TRIP4: variants seen among roughly 807,000 people sequenced by gnomAD.
The protein encoded by TRIP4 is thyroid hormone receptor interactor 4.
TRIP4 carries 54 observed loss-of-function variants against 81.8 expected under a neutral mutation model. That is an observed-to-expected ratio of 0.66 (90% CI 0.53 to 0.83). The LOEUF is 0.83. Ranked by LOEUF, TRIP4 falls within the 40% of genes least tolerant of loss-of-function variation. The pLI, the probability that TRIP4 is intolerant of heterozygous loss-of-function variation, is 0.00. For missense variants in TRIP4, 662 were observed against 683.6 expected, an observed-to-expected ratio of 0.97 and a Z score of 0.35; for synonymous variants, 270 against 242.8, an observed-to-expected ratio of 1.11 and a Z score of -1.04.
intron 11 of TRIP4, among the ~76,000 whole-genome samples, chr15:64,439,289 A>G (rs1267104788): frequency 1.3e-5 from 2 of 151,910 alleles, no homozygotes; most frequent in Non-Finnish European, 2.9e-5. Flanking sequence ...CTGTTCTTGC[A>G]CCTCTTTATC....
intron 4 of TRIP4, among the ~76,000 whole-genome samples, chr15:64,400,498 T>C (rs1199723079): frequency 6.7e-6 from 1 of 150,082 alleles, no homozygotes; most frequent in East Asian, 2.0e-4. Flanking sequence ...TTCTAAACCA[T>C]TAAGTCATTC....
At chr15:64,411,825 G>A (rs1292802303) in intron 7 of TRIP4, among the ~76,000 whole-genome samples, 3 of 151,856 alleles carry the variant, frequency 2.0e-5, no homozygotes, top group African/African-American at 2.4e-5. Flanking sequence ...GACTACCAAC[G>A]CCCGCCACCA....
chr15:64,430,996 A>T (rs951991729), intron 11 of TRIP4, among the ~76,000 whole-genome samples: 3 of 152,272 alleles, frequency 2.0e-5, no homozygotes, highest in Admixed American at 1.3e-4. Flanking sequence ...TAAAAAAAAA[A>T]GAGTATCCAA....
At chr15:64,407,102 A>G (rs951345813) in intron 6 of TRIP4, among the ~76,000 whole-genome samples, 2 of 152,058 alleles carry the variant, frequency 1.3e-5, no homozygotes, top group Non-Finnish European at 2.9e-5. Context: ...GTGGTAAAAA[A>G]TGTTTGGATA....
intron 12 of TRIP4, among the ~76,000 whole-genome samples, chr15:64,448,964 C>T (rs925373360): frequency 5.9e-5 from 9 of 152,078 alleles, no homozygotes; most frequent in African/African-American, 1.4e-4. Context: ...AATCCCAGCA[C>T]TTTAGGAATC....
intron 12 of TRIP4, among the ~76,000 whole-genome samples, chr15:64,453,690 G>A (rs1418774416): frequency 6.6e-6 from 1 of 152,144 alleles, no homozygotes; most frequent in African/African-American, 2.4e-5. Context: ...GCCCAGAAAA[G>A]GACATAATGT....
chr15:64,440,615 A>C (rs567171145), intron 11 of TRIP4, among the ~76,000 whole-genome samples: 1 of 152,280 alleles, frequency 6.6e-6, no homozygotes, highest in South Asian at 2.1e-4. Context: ...AGCCCCTTGA[A>C]GTTCAGTGCT....
intron 8 of TRIP4, among the ~76,000 whole-genome samples, chr15:64,414,699 A>G (rs1011416506): frequency 2.6e-5 from 4 of 151,186 alleles, no homozygotes; most frequent in Non-Finnish European, 5.9e-5. Flanking sequence ...TGTATTTTTT[A>G]ATAGAGACAG....
At chr15:64,452,812 G>T (rs1477783039) in intron 12 of TRIP4, among the ~76,000 whole-genome samples, 2 of 152,118 alleles carry the variant, frequency 1.3e-5, no homozygotes, top group African/African-American at 4.8e-5. Flanking sequence ...TCCTCTTAGA[G>T]TTGATAAAAA....
chr15:64,451,656 T>C (rs1349826505), intron 12 of TRIP4, among the ~76,000 whole-genome samples: 2 of 150,388 alleles, frequency 1.3e-5, no homozygotes, highest in African/African-American at 4.9e-5. Flanking sequence ...TTGCTTTTAT[T>C]TTTATTAATT....
At chr15:64,429,356 G>C (rs1892220279) in intron 11 of TRIP4, among the ~76,000 whole-genome samples, 1 of 152,118 alleles carries the variant, frequency 6.6e-6, no homozygotes, top group Non-Finnish European at 1.5e-5. Flanking sequence ...AAATGTAGTT[G>C]TCTAATCTAT....
At position 64,444,909 on chromosome 15, in the gene TRIP4, A is replaced by C. The variant is rs958929192; in HGVS notation, c.1576-97A>C. 6.0e-6 allele frequency: 4 copies of C among 669,588 alleles called. No individual in the cohort carries two copies. In the African/African-American group the frequency reaches 7.2e-5, roughly 12 times the overall value. 41.5% of individuals were successfully genotyped at this position (669,588 alleles called of 1,614,324 possible). A position where few individuals can be genotyped will look rare whatever the true frequency, so the allele number is the denominator to read the frequency against. On this transcript the variant is annotated intron_variant, in intron 11 of 12. Transcript: ENST00000261884. The stretch of plus-strand genomic sequence containing the variant: ...TACCTGTGAAATGGAAAGTAGTATC[A>C]TCAGAATGTTGAGGTGAAATCTGGG...
intron 12 of TRIP4, among the ~76,000 whole-genome samples, chr15:64,447,362 C>T (rs187648646): frequency 6.6e-6 from 1 of 152,230 alleles, no homozygotes; most frequent in Admixed American, 6.5e-5. Context: ...TAAATCTATG[C>T]CCTAGAGAAG....
At chr15:64,436,250 G>A (rs1212590295) in intron 11 of TRIP4, among the ~76,000 whole-genome samples, 5 of 151,240 alleles carry the variant, frequency 3.3e-5, no homozygotes, top group Admixed American at 6.6e-5. Context: ...AGCTGAGATC[G>A]TACTATTGCA....
At chr15:64,450,320 C>T (rs1230851765) in intron 12 of TRIP4, among the ~76,000 whole-genome samples, 1 of 137,196 alleles carries the variant, frequency 7.3e-6, no homozygotes, top group East Asian at 2.4e-4. Context: ...ACCCGGGAGG[C>T]GGAGCTTGCA....
chr15:64,394,366 G>C (rs1276432390), intron 2 of TRIP4, among the ~76,000 whole-genome samples: 5 of 152,120 alleles, frequency 3.3e-5, no homozygotes, highest in Non-Finnish European at 7.4e-5. Context: ...AGCACTTTGG[G>C]AGGCTGAGGT....
At chr15:64,435,098 C>T (rs1892360408) in intron 11 of TRIP4, among the ~76,000 whole-genome samples, 1 of 151,228 alleles carries the variant, frequency 6.6e-6, no homozygotes, top group South Asian at 2.1e-4. Context: ...CACCTGTAAA[C>T]CCAACTACTA....
intron 8 of TRIP4, among the ~76,000 whole-genome samples, chr15:64,414,512 C>CCTTT (rs1891845373): frequency 1.1e-5 from 1 of 87,024 alleles, no homozygotes; most frequent in East Asian, 3.9e-4. Flanking sequence ...TGCTCTTTCT[C>CCTTT]TTTTTTTTTT....
intron 2 of TRIP4, among the ~76,000 whole-genome samples, chr15:64,394,358 C>T (rs1311036615): frequency 6.6e-6 from 1 of 152,076 alleles, no homozygotes; most frequent in Non-Finnish European, 1.5e-5. Flanking sequence ...GTAATCCCAG[C>T]ACTTTGGGAG....
Sources: allele counts gnomAD v4.1 joint callset (sites outside exome capture counted in the v4.1 genomes callset), GRCh38; gene constraint gnomAD v4.1.1; transcripts MANE v1.5; gene names NCBI Gene and HGNC (gene_info 2026-07-23, HGNC 2026-07-21).